Variants in KIAA1217 observed in about 807,000 individuals in gnomAD.
KIAA1217 encodes the protein KIAA1217.
A neutral mutation model predicts 163.9 loss-of-function variants in KIAA1217; 88 were observed. The observed-to-expected ratio is 0.54, with a 90% CI of 0.45 to 0.64. The LOEUF (loss-of-function observed/expected upper bound fraction) is 0.64. Among genes scored for constraint, KIAA1217 ranks in the 30% least tolerant of loss-of-function variants. The pLI is 0.00. For synonymous variants in KIAA1217, 903 were observed against 923.1 expected, an observed-to-expected ratio of 0.98 and a Z score of 0.39; for missense variants, 2,372 against 2,475.0, an observed-to-expected ratio of 0.96 and a Z score of 0.88.
intron 2 of KIAA1217, among the ~76,000 whole-genome samples, chr10:24,132,005 T>C (rs979540005): frequency 2.6e-5 from 4 of 152,222 alleles, no homozygotes; most frequent in Non-Finnish European, 5.9e-5. Flanking sequence ...GTCCGATGAA[T>C]ACAGCATGAG....
Position 24,546,237 on chromosome 10 carries a change from C to G in KIAA1217, c.5745C>G (p.Thr1915=). The change falls in exon 21 of 21, where the codon ACC becomes ACG. Residue 1915 remains threonine, a synonymous_variant. Coordinates refer to ENST00000376454, the MANE Select transcript of KIAA1217 (RefSeq NM_019590.5). ...SLNQGAKGTR[T]IHTPSLTSYK... ...ATCAAGGTGCCAAGGGCACCAGGAC[C>G]ATCCATACTCCCAGCCTCACCAGCT... The G allele has an allele frequency of 6.2e-7, 1 of 1,614,202 alleles. No homozygotes were observed. Among genetic ancestry groups the G allele is most frequent in the East Asian group, 2.2e-5 (1 of 44,884 alleles).
intron 2 of KIAA1217, among the ~76,000 whole-genome samples, chr10:24,336,926 A>G (rs569963755): frequency 1.3e-5 from 2 of 152,368 alleles, no homozygotes; most frequent in Admixed American, 6.5e-5. Flanking sequence ...TGGATCAAAC[A>G]TCTAAATATA....
chr10:24,090,332 C>CTTTTTTTTTTTTTTTTTTT (rs35966270), intron 2 of KIAA1217, among the ~76,000 whole-genome samples: 3 of 58,936 alleles, frequency 5.1e-5, no homozygotes, highest in African/African-American at 3.5e-4. Context: ...ACATCCTGCT[C>CTTTTTTTTTTTTTTTTTTT]TTTTTTTTTT....
intron 8 of KIAA1217, among the ~76,000 whole-genome samples, chr10:24,498,242 G>A (rs758966142): frequency 6.6e-6 from 1 of 152,140 alleles, no homozygotes; most frequent in Non-Finnish European, 1.5e-5. Flanking sequence ...GGATTTAAAA[G>A]GTTGGCAGAG....
At chr10:24,211,163 G>A (rs185109843) in intron 1 of KIAA1217, among the ~76,000 whole-genome samples, 2 of 152,174 alleles carry the variant, frequency 1.3e-5, no homozygotes, top group East Asian at 1.9e-4. Context: ...CTTCGCTGAA[G>A]TGATATTTGA....
intron 1 of KIAA1217, among the ~76,000 whole-genome samples, chr10:23,856,044 T>G (rs2131115976): frequency 6.6e-6 from 1 of 152,360 alleles, no homozygotes; most frequent in East Asian, 1.9e-4. Context: ...CTTTGTTCTG[T>G]TGCTGGTAAG....
At chr10:24,238,684 G>A (rs1564321737) in intron 2 of KIAA1217, among the ~76,000 whole-genome samples, 2 of 152,146 alleles carry the variant, frequency 1.3e-5, no homozygotes, top group African/African-American at 2.4e-5. Context: ...TTCTAGGAAG[G>A]GGGCTGGTGG....
chr10:23,929,664 C>T lies in KIAA1217; in HGVS notation c.-320-77561C>T, dbSNP rs892700184. On this transcript the variant is annotated intron_variant, in intron 1 of 18. Coordinates refer to the KIAA1217 transcript ENST00000376462. ...GATTTCATTCTTTTTTTTGTGGCTGCGTAGTATCCATGAGGTATATTTTCT... is the reference window on the plus strand; with the variant it reads ...GATTTCATTCTTTTTTTTGTGGCTGTGTAGTATCCATGAGGTATATTTTCT... Among the ~76,000 whole-genome samples the T allele has an allele frequency of 4.6e-5, 7 of 152,236 alleles. 1 individual carries two copies. The highest frequency in any genetic ancestry group is 3.4e-3 in the Middle Eastern group (1 of 294).
intron 5 of KIAA1217, chr10:24,466,726 A>G (rs2062986419): frequency 2.0e-6 from 2 of 985,328 alleles, no homozygotes; most frequent in Non-Finnish European, 2.4e-6. Context: ...GAATCATGTA[A>G]TCAGGACCTG....
intron 1 of KIAA1217, among the ~76,000 whole-genome samples, chr10:23,787,652 C>G (rs761026404): frequency 8.6e-5 from 13 of 152,046 alleles, no homozygotes; most frequent in Non-Finnish European, 1.5e-4. Context: ...TGTGAGGAGA[C>G]AAACAAAACA....
chr10:24,138,114 T>A (rs2063905381), intron 2 of KIAA1217, among the ~76,000 whole-genome samples: 1 of 152,222 alleles, frequency 6.6e-6, no homozygotes. Flanking sequence ...TCTTCTGGAC[T>A]TTTGGTTTAC....
chr10:23,862,110 G>A (rs1839981062), intron 1 of KIAA1217, among the ~76,000 whole-genome samples: 1 of 152,152 alleles, frequency 6.6e-6, no homozygotes. Flanking sequence ...CTGGGTCTGG[G>A]TACTGAGATG....
intron 2 of KIAA1217, among the ~76,000 whole-genome samples, chr10:24,109,030 C>G (rs553185511): frequency 1.3e-5 from 2 of 150,760 alleles, no homozygotes; most frequent in East Asian, 3.9e-4. Flanking sequence ...CGGGGTTTCC[C>G]CATGTTGGCC....
chr10:24,307,227 T>C (rs552072622), intron 2 of KIAA1217, among the ~76,000 whole-genome samples: 35 of 152,364 alleles, frequency 2.3e-4, no homozygotes, highest in African/African-American at 8.4e-4. Context: ...CTTGCGAATA[T>C]GATTTCTCCT....
chr10:24,194,701 A>T (rs907752028), intron 2 of KIAA1217, among the ~76,000 whole-genome samples: 2 of 150,954 alleles, frequency 1.3e-5, no homozygotes, highest in Non-Finnish European at 2.9e-5. Context: ...CTCCTGCCTC[A>T]GCCTCTGCAG....
intron 2 of KIAA1217, among the ~76,000 whole-genome samples, chr10:24,367,666 T>C (rs535882699): frequency 3.3e-5 from 5 of 152,348 alleles, no homozygotes; most frequent in African/African-American, 1.2e-4. Context: ...ATGTGTCCAA[T>C]GTTGGGTCCA....
chr10:23,820,423 AATTAAC>A (rs1837566209), intron 1 of KIAA1217, among the ~76,000 whole-genome samples: 1 of 152,212 alleles, frequency 6.6e-6, no homozygotes, highest in African/African-American at 2.4e-5. Context: ...ACCTCTCTCT[AATTAAC>A]ATTAACTGTG....
At chr10:23,732,236 G>A (rs932852752) in intron 1 of KIAA1217, among the ~76,000 whole-genome samples, 1 of 151,842 alleles carries the variant, frequency 6.6e-6, no homozygotes, top group Non-Finnish European at 1.5e-5. Context: ...GGTTTTGGGA[G>A]ATTAATAAAT....
intron 2 of KIAA1217, among the ~76,000 whole-genome samples, chr10:24,089,605 T>C (rs186718295): frequency 2.0e-5 from 3 of 151,910 alleles, no homozygotes; most frequent in Admixed American, 2.0e-4. Context: ...CAGATAGTTG[T>C]AGATGTGTGG....
Sources: allele counts gnomAD v4.1 joint callset (sites outside exome capture counted in the v4.1 genomes callset), GRCh38; gene constraint gnomAD v4.1.1; transcripts MANE v1.5; gene names NCBI Gene and HGNC (gene_info 2026-07-23, HGNC 2026-07-21).